Variants in ACSBG2 observed in about 807,000 individuals in gnomAD.
The protein encoded by ACSBG2 is long-chain-fatty-acid--CoA ligase ACSBG2.
In ACSBG2, 62 loss-of-function variants were observed where a neutral mutation model predicts 74.7. That is an observed-to-expected ratio of 0.83 (90% CI 0.68 to 1.03). The LOEUF is 1.03. ACSBG2 is among the 50% of genes least tolerant of loss of function. ACSBG2 has a pLI of 0.00. For synonymous variants in ACSBG2, 309 were observed against 294.1 expected (o/e 1.05, Z -0.52); for missense variants, 730 against 817.6 (o/e 0.89, Z 1.31).
chr19:6,187,885 C>T, intron 13 of ACSBG2, 40 bp downstream of exon 13: 4 of 1,602,950 alleles, frequency 2.5e-6, no homozygotes, highest in Non-Finnish European at 3.4e-6. Flanking sequence ...CCCTTGTTAG[C>T]ATCTGGGACT....
chr19:6,172,954 GC>G (rs568768381), intron 7 of ACSBG2, among the ~76,000 whole-genome samples: 25 of 152,286 alleles, frequency 1.6e-4, no homozygotes, highest in South Asian at 1.2e-3. Context: ...CTGTCATGGG[GC>G]TCACAATCTT....
At chr19:6,168,548 AG>A (rs1313815427) in intron 7 of ACSBG2, among the ~76,000 whole-genome samples, 1 of 152,178 alleles carries the variant, frequency 6.6e-6, no homozygotes, top group Non-Finnish European at 1.5e-5. Flanking sequence ...CCTGATGAGC[AG>A]GAGGACTCAA....
chr19:6,147,335 G>A (rs1226450844), intron 2 of ACSBG2, 111 bp from the exon 3 acceptor site: 5 of 768,534 alleles, frequency 6.5e-6, no homozygotes, highest in Middle Eastern at 3.4e-4. Context: ...CCTAGAAGGG[G>A]ATTAATTCAA....
At chr19:6,163,121 A>AAATAAT (rs71917482) in intron 6 of ACSBG2, among the ~76,000 whole-genome samples, 1,326 of 122,804 alleles carry the variant, frequency 0.011, 13 homozygotes, top group East Asian at 0.017. Flanking sequence ...CTAAAAATAC[A>AAATAAT]AATAATAATA....
At chr19:6,191,473 G>A (rs1221696400) in intron 14 of ACSBG2, 2 of 152,208 alleles carry the variant, frequency 1.3e-5, no homozygotes, top group South Asian at 2.1e-4. Flanking sequence ...GAGATTGAGA[G>A]GCTGGCTGGC....
Position 6,138,046 on chromosome 19 carries a change from G to A in ACSBG2, c.-32+2137G>A, listed in dbSNP as rs549036297. On this transcript the variant is annotated intron_variant, in intron 1 of 14. Coordinates refer to ENST00000588485, the MANE Select transcript of ACSBG2 (RefSeq NM_030924.5). Reference sequence around the variant, plus strand: ...ATAAGCCCCCAGCTACCTATCACTCGGCTCCAACTTAAAGTCAGCCTTGGT... The same window carrying A: ...ATAAGCCCCCAGCTACCTATCACTCAGCTCCAACTTAAAGTCAGCCTTGGT... Among the ~76,000 whole-genome samples the A allele has an allele frequency of 2.8e-4, 43 of 152,240 alleles. No homozygotes were observed. The South Asian group carries it at 8.5e-3, about 30-fold the overall frequency.
chr19:6,182,350 CTT>C (rs148161105), intron 8 of ACSBG2, among the ~76,000 whole-genome samples: 34 of 152,244 alleles, frequency 2.2e-4, no homozygotes, highest in Non-Finnish European at 4.4e-4. Context: ...TTAGCCAACC[CTT>C]TGTCATTGAA....
At chr19:6,178,590 C>T (rs2090154612) in intron 8 of ACSBG2, among the ~76,000 whole-genome samples, 1 of 152,116 alleles carries the variant, frequency 6.6e-6, no homozygotes, top group African/African-American at 2.4e-5. Flanking sequence ...CAATTTTGGC[C>T]AGACTGGTCT....
intron 4 of ACSBG2, among the ~76,000 whole-genome samples, chr19:6,152,090 C>T (rs749280313): frequency 6.6e-6 from 1 of 152,090 alleles, no homozygotes; most frequent in African/African-American, 2.4e-5. Context: ...GCATTGTGCT[C>T]CACGTGTATG....
Position 6,151,741 on chromosome 19 carries a change from TG to T in ACSBG2, c.336del (p.Phe113LeufsTer15). The T allele has an allele frequency of 6.2e-7, 1 of 1,603,682 alleles. No individual in the cohort carries two copies. On this transcript the variant is annotated frameshift_variant, in exon 4 of 15. Coordinates refer to ENST00000588485, the MANE Select transcript of ACSBG2 (RefSeq NM_030924.5). LOFTEE classifies it high-confidence loss of function. Reference sequence around the variant, plus strand: ...GAGCGTTTCCACGGAGTTGGTATCCTGGGGTTTAACTCTGCAGAGTGGTTTA... The same window carrying T: ...GAGCGTTTCCACGGAGTTGGTATCCTGGGTTTAACTCTGCAGAGTGGTTTA... ...GLERFHGVGI[L>X]GFNSAEWFIT...
At chr19:6,157,366 G>A (rs530403386) in intron 5 of ACSBG2, among the ~76,000 whole-genome samples, 2 of 152,332 alleles carry the variant, frequency 1.3e-5, no homozygotes, top group South Asian at 2.1e-4. Flanking sequence ...GACCAGTGTG[G>A]CCAACATGGT....
chr19:6,193,053 C>G lies in ACSBG2; in HGVS notation c.*421C>G, dbSNP rs1336515352. ...CACCTGCCTGGAAGCAACTGGGAAA[C>G]CCTTCCAATAAGTCCTGATAATAAA... On this transcript the variant is annotated 3_prime_UTR_variant, in exon 15 of 15. Transcript: ENST00000588485. 6.6e-6 allele frequency: 1 copy of G among 152,222 alleles called. No individual in the cohort carries two copies. Among genetic ancestry groups the G allele is most frequent in the Non-Finnish European group, 1.5e-5 (1 of 68,044 alleles). The allele number at this position is 152,222 out of a possible 1,614,324, so 9.4% of individuals were successfully genotyped here.
At chr19:6,164,575 G>A (rs574412880) in intron 6 of ACSBG2, among the ~76,000 whole-genome samples, 1 of 152,146 alleles carries the variant, frequency 6.6e-6, no homozygotes, top group East Asian at 1.9e-4. Context: ...TGGGATTACA[G>A]GCGCCTGCCA....
chr19:6,151,743 G>A lies in ACSBG2; in HGVS notation c.334G>A (p.Gly112Arg). Residue 112 changes from glycine (G) to arginine (R), a missense_variant, in exon 4 of 15, where the codon GGG becomes AGG. By Grantham distance (125) the Gly-to-Arg change is moderately radical. Transcript: ENST00000588485. ...LERFHGVGIL[G>R]FNSAEWFITA... The stretch of plus-strand genomic sequence containing the variant: ...GCGTTTCCACGGAGTTGGTATCCTG[G>A]GGTTTAACTCTGCAGAGTGGTTTAT... 1 of 1,603,634 alleles carries A rather than the reference G, an allele frequency of 6.2e-7. No individual in the cohort carries two copies. The highest frequency in any genetic ancestry group is 8.5e-7 in the Non-Finnish European group (1 of 1,174,980).
chr19:6,190,696 A>C lies in ACSBG2; in HGVS notation c.*35+4A>C. 2.5e-6 allele frequency: 4 copies of C among 1,594,844 alleles called. No homozygotes were observed. The highest frequency in any genetic ancestry group is 3.4e-6 in the Non-Finnish European group (4 of 1,162,652). On this transcript the variant is annotated splice_donor_region_variant and intron_variant, in intron 14 of 14. Coordinates refer to ENST00000588485, the MANE Select transcript of ACSBG2 (RefSeq NM_030924.5). ...GCTGCTCTCAGCTGTTCTGATGGTG[A>C]GATTCAGTTGCTTGGCTTTGCTGGG... is the stretch of plus-strand genomic sequence containing the variant.
In ACSBG2 at chr19:6,187,445, G is replaced by T. The variant is rs201325440; in HGVS notation, c.1680+23G>T. Reference sequence around the variant, plus strand: ...AAGGTAACATGGGTTTGCTGTCATTGGGGGAAGTCTCTGCAGCCGGTCTTG... The same window carrying T: ...AAGGTAACATGGGTTTGCTGTCATTTGGGGAAGTCTCTGCAGCCGGTCTTG... On this transcript the variant is annotated intron_variant, in intron 12 of 14. Transcript: ENST00000588485. 7.4e-6 allele frequency: 12 copies of T among 1,613,352 alleles called. No individual in the cohort carries two copies. In the East Asian group the frequency reaches 2.7e-4, roughly 36 times the overall value.
chr19:6,141,301 T>G (rs1347085631), intron 1 of ACSBG2, among the ~76,000 whole-genome samples: 1 of 152,136 alleles, frequency 6.6e-6, no homozygotes, highest in Non-Finnish European at 1.5e-5. Context: ...AAGAGACTCT[T>G]CTGTAAACTC....
In ACSBG2 at chr19:6,187,373, T is replaced by C. The variant is rs181457077; in HGVS notation, c.1631T>C (p.Met544Thr). ...AAGATCCCCATCATCAGTAACGCCA[T>C]GTTAGTAGGAGATAAACTGAAGTTT... is the stretch of plus-strand genomic sequence containing the variant. ...KKKIPIISNAMLVGDKLKFLS... is the reference protein window; with the variant it reads ...KKKIPIISNATLVGDKLKFLS... Residue 544 changes from methionine to threonine, a missense_variant, in exon 12 of 15, where the codon ATG becomes ACG. Physicochemically the swap from Met to Thr is moderately conservative, Grantham distance 81 (BLOSUM62 -1). Coordinates refer to ENST00000588485, the MANE Select transcript of ACSBG2 (RefSeq NM_030924.5). 4 of 1,613,952 alleles carry C rather than the reference T, an allele frequency of 2.5e-6. No individual in the cohort carries two copies. In the African/African-American group the frequency reaches 4.0e-5, roughly 16 times the overall value.
chr19:6,145,372 A>G (rs138591775), intron 2 of ACSBG2, among the ~76,000 whole-genome samples: 107 of 151,208 alleles, frequency 7.1e-4, no homozygotes, highest in African/African-American at 2.5e-3. Context: ...CGGAGGCTGC[A>G]GTGAACTGAG....
Sources: allele counts gnomAD v4.1 joint callset (sites outside exome capture counted in the v4.1 genomes callset), GRCh38; gene constraint gnomAD v4.1.1; transcripts MANE v1.5; gene names NCBI Gene and HGNC (gene_info 2026-07-23, HGNC 2026-07-21).